The following HAUS8 variants were observed in gnomAD, a reference collection of about 807,000 sequenced individuals.
The protein encoded by HAUS8 is HAUS augmin-like complex subunit 8.
In HAUS8, 38 loss-of-function variants were observed where a neutral mutation model predicts 42.9. The ratio of observed to expected loss-of-function variants is 0.89; its 90% CI spans 0.68 to 1.16. The LOEUF is 1.16. Among genes scored for constraint, HAUS8 ranks in the 50% most tolerant of loss-of-function variants. HAUS8 has a pLI of 0.00. For missense variants in HAUS8, 494 were observed against 511.6 expected, an observed-to-expected ratio of 0.97 and a Z score of 0.33; for synonymous variants, 199 against 205.8, an observed-to-expected ratio of 0.97 and a Z score of 0.28.
intron 3 of HAUS8, among the ~76,000 whole-genome samples, chr19:17,068,047 G>C (rs908035021): frequency 1.3e-5 from 2 of 150,342 alleles, no homozygotes; most frequent in African/African-American, 4.9e-5. Flanking sequence ...GTGATCGAAG[G>C]ATGTCATTTT....
chr19:17,067,110 AAGG>A (rs1352747015), intron 3 of HAUS8, among the ~76,000 whole-genome samples: 1 of 151,764 alleles, frequency 6.6e-6, no homozygotes, highest in Non-Finnish European at 1.5e-5. Context: ...GAGGCTGAGG[AAGG>A]AGAATGGCTT....
chr19:17,055,141 AAAATATATAT>A (rs2057314967), intron 9 of HAUS8: 1 of 17,588 alleles, frequency 5.7e-5, no homozygotes, highest in Non-Finnish European at 1.0e-4. Context: ...AAAAAAAAAA[AAAATATATAT>A]ATATATATAT....
rs957961978 is a variant in HAUS8, at chr19:17,056,879, C to G, written c.646-877G>C. 4.6e-5 allele frequency among the ~76,000 whole-genome samples: 7 copies of G among 152,238 alleles called. No homozygotes were observed. In the East Asian group the frequency reaches 9.7e-4, roughly 21 times the overall value. On this transcript the variant is annotated intron_variant, in intron 8 of 10. Coordinates refer to ENST00000253669, the MANE Select transcript of HAUS8 (RefSeq NM_033417.2). The stretch of plus-strand genomic sequence containing the variant: ...GTGCTGGGATCACAGGCGTGAGCCA[C>G]TGCACATACATATTTTTTATAGACA...
At chr19:17,055,141 AAAATATATATATATAT>A (rs2057315003) in intron 9 of HAUS8, 1 of 17,590 alleles carries the variant, frequency 5.7e-5, no homozygotes, top group Non-Finnish European at 1.0e-4. Context: ...AAAAAAAAAA[AAAATATATATATATAT>A]ATATATATAT....
At chr19:17,053,081 G>A (rs542796414) in intron 9 of HAUS8, 115 bp from the exon 10 acceptor site, 18 of 1,232,046 alleles carry the variant, frequency 1.5e-5, no homozygotes, top group South Asian at 4.0e-5. Context: ...CGCTGGAACC[G>A]TGGAGAGCGC....
At position 17,055,508 on chromosome 19, in the gene HAUS8, C is replaced by G. The variant is rs2057320152; in HGVS notation, c.787+353G>C. On this transcript the variant is annotated intron_variant, in intron 9 of 10. Transcript: ENST00000253669. Reference sequence around the variant, plus strand: ...TGGGAACCCTATGCCTGAAAGGGACCTCACTGCTCTGCTGAGGGGGAAAGC... The same window carrying G: ...TGGGAACCCTATGCCTGAAAGGGACGTCACTGCTCTGCTGAGGGGGAAAGC... Among the ~76,000 whole-genome samples the G allele has an allele frequency of 2.6e-5, 4 of 151,950 alleles. No homozygotes were observed. In the South Asian group the frequency reaches 8.3e-4, roughly 31 times the overall value.
chr19:17,060,323 C>A (rs2057353013), intron 4 of HAUS8: 1 of 470,094 alleles, frequency 2.1e-6, no homozygotes, highest in Non-Finnish European at 3.8e-6. Flanking sequence ...TCTGTATAAC[C>A]AAAGAGACGC....
intron 1 of HAUS8, 39 bp from the exon 2 acceptor site, chr19:17,073,374 C>T: frequency 1.1e-5 from 17 of 1,590,218 alleles, no homozygotes; most frequent in Non-Finnish European, 1.3e-5. Context: ...CACCTCACTA[C>T]CCAAGAAGCA....
At chr19:17,057,281 C>T (rs376973294) in intron 8 of HAUS8, among the ~76,000 whole-genome samples, 107 of 151,762 alleles carry the variant, frequency 7.1e-4, no homozygotes, top group Non-Finnish European at 1.1e-3. Context: ...ACCTGGGAGG[C>T]GGACGTTGCA....
At chr19:17,058,464 C>G in intron 8 of HAUS8, 85 bp downstream of exon 8, 1 of 1,349,378 alleles carries the variant, frequency 7.4e-7, no homozygotes, top group Non-Finnish European at 1.0e-6. Context: ...CAATGATACC[C>G]TAGCACGAAT....
At chr19:17,073,915 C>T (rs1973094) in intron 1 of HAUS8, 107,555 of 152,902 alleles carry the variant, frequency 0.7, 38,417 homozygotes, top group African/African-American at 0.8. Context: ...CACAGGAGAA[C>T]TGCTTGAACC....
At chr19:17,054,429 G>A (rs2057307288) in intron 9 of HAUS8, among the ~76,000 whole-genome samples, 1 of 152,066 alleles carries the variant, frequency 6.6e-6, no homozygotes, top group Admixed American at 6.6e-5. Flanking sequence ...GCCAAGGTAG[G>A]AGATCACTTG....
At chr19:17,058,748 CCTCCCCGTGAAT>C (rs769887764) in intron 7 of HAUS8, 41 bp from the exon 8 acceptor site, 30 of 1,605,248 alleles carry the variant, frequency 1.9e-5, no homozygotes, top group South Asian at 1.7e-4. Context: ...GTGGGGACTC[CCTCCCCGTGAAT>C]GGAGGCCACC....
At chr19:17,061,246 T>G (rs1053603912) in intron 4 of HAUS8, among the ~76,000 whole-genome samples, 1 of 152,094 alleles carries the variant, frequency 6.6e-6, no homozygotes, top group Non-Finnish European at 1.5e-5. Context: ...TCCTCCCACT[T>G]CAGCCTCCTG....
chr19:17,055,036 G>T (rs1442695654), intron 9 of HAUS8: 1 of 142,446 alleles, frequency 7.0e-6, no homozygotes, highest in East Asian at 2.1e-4. Context: ...AGCACTTTGG[G>T]AGGCCAAGGT....
chr19:17,050,331 C>T (rs574275541), intron 10 of HAUS8, among the ~76,000 whole-genome samples, 155 bp from the exon 11 acceptor site: 19 of 152,278 alleles, frequency 1.2e-4, no homozygotes, highest in African/African-American at 4.3e-4. Flanking sequence ...TCTGAAAAGA[C>T]TCAATCAGGG....
At chr19:17,066,891 A>G (rs2057390091) in intron 3 of HAUS8, among the ~76,000 whole-genome samples, 1 of 152,214 alleles carries the variant, frequency 6.6e-6, no homozygotes, top group Admixed American at 6.5e-5. Context: ...CATCCACTTG[A>G]TGGAATACTA....
intron 3 of HAUS8, among the ~76,000 whole-genome samples, chr19:17,067,870 T>C (rs1400272691): frequency 2.0e-5 from 3 of 152,152 alleles, no homozygotes; most frequent in Admixed American, 6.6e-5. Flanking sequence ...TTGACTTCAC[T>C]GAAAGAAAAT....
chr19:17,069,019 G>T lies in HAUS8; in HGVS notation c.147+12C>A. On this transcript the variant is annotated intron_variant, in intron 3 of 10. Coordinates refer to ENST00000253669, the MANE Select transcript of HAUS8 (RefSeq NM_033417.2). ...CAGAACTGCTGCAAATGGAAGCTGG[G>T]TGCGGCCTTACCTTTTGGGTTGTCT... 2.5e-6 allele frequency: 4 copies of T among 1,611,286 alleles called. No individual in the cohort carries two copies. Among genetic ancestry groups the T allele is most frequent in the Non-Finnish European group, 2.5e-6 (3 of 1,178,194 alleles).
Sources: gnomAD v4.1 joint callset for allele counts (sites outside exome capture counted in the v4.1 genomes callset) on GRCh38, gnomAD v4.1.1 for gene constraint, MANE v1.5 for transcripts, NCBI Gene and HGNC (gene_info 2026-07-23, HGNC 2026-07-21) for gene names.